Variants in C1orf87 observed in about 807,000 individuals in gnomAD.
C1orf87 encodes chromosome 1 open reading frame 87.
In C1orf87, 58 loss-of-function variants were observed where a neutral mutation model predicts 60.5. The observed-to-expected ratio is 0.96, with a 90% CI of 0.78 to 1.19. The LOEUF (loss-of-function observed/expected upper bound fraction) is 1.19. Among genes scored for constraint, C1orf87 ranks in the 50% most tolerant of loss-of-function variants. The pLI is 0.00. For synonymous variants in C1orf87, 236 were observed against 227.4 expected, an observed-to-expected ratio of 1.04 and a Z score of -0.34; for missense variants, 673 against 638.6, an observed-to-expected ratio of 1.05 and a Z score of -0.58.
intron 9 of C1orf87, among the ~76,000 whole-genome samples, chr1:60,005,709 G>T (rs1645039674): frequency 1.3e-5 from 2 of 151,998 alleles, no homozygotes; most frequent in Non-Finnish European, 2.9e-5. Context: ...GAAGAGAAAT[G>T]GGTGAAGTGT....
At chr1:60,014,452 G>T (rs183402767) in intron 8 of C1orf87, among the ~76,000 whole-genome samples, 2 of 151,988 alleles carry the variant, frequency 1.3e-5, no homozygotes, top group Non-Finnish European at 2.9e-5. Context: ...TGCTACTCAC[G>T]TGTTGTTTGT....
chr1:60,032,386 T>C (rs960308544), intron 7 of C1orf87, among the ~76,000 whole-genome samples: 1 of 152,028 alleles, frequency 6.6e-6, no homozygotes, highest in African/African-American at 2.4e-5. Context: ...TTGCCACTTG[T>C]TAGCTGTGAC....
At chr1:60,072,916 A>G (rs1645594035) in intron 1 of C1orf87, among the ~76,000 whole-genome samples, 1 of 152,192 alleles carries the variant, frequency 6.6e-6, no homozygotes, top group South Asian at 2.1e-4. Context: ...CATCACCAGT[A>G]ATTAGCCGAC....
rs150332943 is a variant in C1orf87 at position 60,051,056 on chromosome 1, G to C, written c.342+4148C>G. 3.2e-3 allele frequency among the ~76,000 whole-genome samples: 481 copies of C among 152,212 alleles called. 1 individual carries two copies. Among genetic ancestry groups the C allele is most frequent in the African/African-American group, 0.011 (453 of 41,542 alleles). ...TAATCAAATAAAGATGGAGGGAAGA[G>C]AATTTTACCCATAAAGAATAGCATG... On this transcript the variant is annotated intron_variant, in intron 3 of 11. Coordinates refer to ENST00000371201, the MANE Select transcript of C1orf87 (RefSeq NM_152377.3).
rs1273908920 is a variant in C1orf87, at chr1:60,038,007, C to A, written c.848G>T (p.Gly283Val). The change falls in exon 6 of 12, where the codon GGC becomes GTC. Residue 283 changes from glycine (G) to valine (V), a missense_variant. Gly to Val is a moderately radical substitution (Grantham distance 109, BLOSUM62 -3). Coordinates refer to ENST00000371201, the MANE Select transcript of C1orf87 (RefSeq NM_152377.3). ...AGAAGAGTACCTTTGGCTATGAGTGCCATGACTCTCAGTTTTTCTCAGGTC... is the reference window on the plus strand; with the variant it reads ...AGAAGAGTACCTTTGGCTATGAGTGACATGACTCTCAGTTTTTCTCAGGTC... ...AADLRKTESH[G>V]THSQSTPPQH... The A allele has an allele frequency of 4.4e-6, 7 of 1,608,488 alleles. No individual in the cohort carries two copies. Among genetic ancestry groups the A allele is most frequent in the Middle Eastern group, 1.7e-4 (1 of 6,044 alleles).
Position 60,001,104 on chromosome 1 carries a change from C to A in C1orf87, c.1245G>T (p.Glu415Asp). ...TATGTTCAGTTTTGCTTTGAGACAT[C>A]TCGGGGACTTCAGGCTCCATTGGAG... The part of the protein sequence containing the change: ...PAPPMEPEVP[E>D]MSQSKTEHMK... Residue 415 changes from glutamate (E) to aspartate (D), a missense_variant, in exon 10 of 12, where the codon GAG becomes GAT. Coordinates refer to ENST00000371201, the MANE Select transcript of C1orf87 (RefSeq NM_152377.3). 6.2e-7 allele frequency: 1 copy of A among 1,608,444 alleles called. No individual in the cohort carries two copies. The highest frequency in any genetic ancestry group is 8.5e-7 in the Non-Finnish European group (1 of 1,177,090).
At chr1:60,019,582 G>A (rs1645148122) in intron 8 of C1orf87, among the ~76,000 whole-genome samples, 1 of 152,202 alleles carries the variant, frequency 6.6e-6, no homozygotes, top group Non-Finnish European at 1.5e-5. Flanking sequence ...AAGACAGGAA[G>A]ATGTCGGAAA....
intron 6 of C1orf87, 49 bp downstream of exon 6, chr1:60,037,943 A>C: frequency 7.8e-7 from 1 of 1,278,192 alleles, no homozygotes; most frequent in East Asian, 2.4e-5. Flanking sequence ...CAGCCCACAC[A>C]GACTAAGACA....
chr1:60,055,785 A>T (rs1049815284), intron 2 of C1orf87, among the ~76,000 whole-genome samples: 7 of 152,192 alleles, frequency 4.6e-5, no homozygotes, highest in African/African-American at 1.7e-4. Context: ...TTTCAGCCTT[A>T]GAAAAGAAAG....
intron 2 of C1orf87, among the ~76,000 whole-genome samples, chr1:60,060,696 T>TA (rs568972908): frequency 1.5e-4 from 23 of 151,996 alleles, no homozygotes; most frequent in Non-Finnish European, 2.5e-4. Flanking sequence ...ACCCCCCCTT[T>TA]AAAAAACAAA....
intron 3 of C1orf87, among the ~76,000 whole-genome samples, chr1:60,050,780 A>T (rs1170995134): frequency 6.6e-6 from 1 of 152,134 alleles, no homozygotes; most frequent in Non-Finnish European, 1.5e-5. Flanking sequence ...GAGCCAATAT[A>T]CAGAGAAAGA....
chr1:60,059,545 G>T (rs1645480914), intron 2 of C1orf87, among the ~76,000 whole-genome samples: 1 of 152,118 alleles, frequency 6.6e-6, no homozygotes, highest in African/African-American at 2.4e-5. Context: ...AGAGTCTCAG[G>T]GTTAGAAAGA....
chr1:60,001,804 G>A (rs1223648250), intron 9 of C1orf87, among the ~76,000 whole-genome samples: 1 of 152,086 alleles, frequency 6.6e-6, no homozygotes, highest in Non-Finnish European at 1.5e-5. Context: ...AATGGTCGGT[G>A]GTACTGGACG....
At chr1:60,011,022 A>T (rs1645080930) in intron 8 of C1orf87, 1 of 151,978 alleles carries the variant, frequency 6.6e-6, no homozygotes, top group East Asian at 1.9e-4. Flanking sequence ...TTGTGTCAAG[A>T]GGGTTTCAGA....
intron 3 of C1orf87, among the ~76,000 whole-genome samples, chr1:60,051,962 C>T (rs138405495): frequency 6.6e-6 from 1 of 152,282 alleles, no homozygotes; most frequent in African/African-American, 2.4e-5. Flanking sequence ...AGTACAAGAT[C>T]AAAGGCTCTG....
intron 2 of C1orf87, among the ~76,000 whole-genome samples, chr1:60,064,615 A>C: frequency 3.4e-5 from 2 of 58,092 alleles, no homozygotes; most frequent in East Asian, 8.7e-4. Flanking sequence ...TATATATAAA[A>C]TATATCATAT....
intron 3 of C1orf87, among the ~76,000 whole-genome samples, chr1:60,045,452 T>C (rs1415505910): frequency 6.6e-6 from 1 of 152,216 alleles, no homozygotes; most frequent in Non-Finnish European, 1.5e-5. Flanking sequence ...CAACAATGTA[T>C]ACTTTGTTTA....
chr1:60,022,029 G>A (rs887301523), intron 8 of C1orf87, among the ~76,000 whole-genome samples: 2 of 151,974 alleles, frequency 1.3e-5, no homozygotes, highest in African/African-American at 4.8e-5. Context: ...AAGAGGCATG[G>A]TGTAACTGGA....
chr1:60,020,283 C>G (rs77285526), intron 8 of C1orf87, among the ~76,000 whole-genome samples: 1 of 151,648 alleles, frequency 6.6e-6, no homozygotes, highest in African/African-American at 2.4e-5. Flanking sequence ...GTACAGAGGC[C>G]GCACTAGGGC....
Sources: allele counts gnomAD v4.1 joint callset (sites outside exome capture counted in the v4.1 genomes callset), GRCh38; gene constraint gnomAD v4.1.1; transcripts MANE v1.5; gene names NCBI Gene and HGNC (gene_info 2026-07-23, HGNC 2026-07-21).